Variants in CCDC73 observed in about 807,000 individuals in gnomAD.
CCDC73 encodes the protein coiled-coil domain containing 73, also known as coiled-coil domain-containing protein 73.
Under a neutral mutation model 116.5 loss-of-function variants are expected in CCDC73, and 95 were observed. The observed-to-expected ratio is 0.82, with a 90% CI of 0.69 to 0.97. CCDC73 has a LOEUF of 0.97. Among genes scored for constraint, CCDC73 ranks in the 50% least tolerant of loss-of-function variants. CCDC73 has a pLI of 0.00. For missense variants in CCDC73, 1,066 were observed against 1,206.8 expected (o/e 0.88, Z 1.73); for synonymous variants, 398 against 401.3 (o/e 0.99, Z 0.10).
At chr11:32,681,382 A>C (rs1856141675) in intron 7 of CCDC73, 1 of 152,010 alleles carries the variant, frequency 6.6e-6, no homozygotes, top group African/African-American at 2.4e-5. Flanking sequence ...TTTCTCTCTC[A>C]CATGTTTTTA....
At chr11:32,791,190 T>G (rs1850672971) in intron 1 of CCDC73, among the ~76,000 whole-genome samples, 1 of 152,230 alleles carries the variant, frequency 6.6e-6, no homozygotes, top group African/African-American at 2.4e-5. Flanking sequence ...CTGATGTGTT[T>G]CTCTGTCATG....
At chr11:32,753,473 CT>C (rs1021284715) in intron 2 of CCDC73, among the ~76,000 whole-genome samples, 2 of 149,068 alleles carry the variant, frequency 1.3e-5, no homozygotes, top group Non-Finnish European at 3.0e-5. Context: ...ATTTTGTTTT[CT>C]TTTTTTTTGA....
At chr11:32,719,888 T>C (rs946128384) in intron 2 of CCDC73, among the ~76,000 whole-genome samples, 1 of 152,080 alleles carries the variant, frequency 6.6e-6, no homozygotes, top group African/African-American at 2.4e-5. Context: ...CCTATAACTA[T>C]AAAAGGAGTT....
the CCDC73 span, among the ~76,000 whole-genome samples, chr11:32,812,817 A>G: frequency 6.6e-6 from 1 of 152,330 alleles, no homozygotes; most frequent in South Asian, 2.1e-4. Context: ...AGCCTGGGCA[A>G]CAGAGAGACA....
At position 32,611,910 on chromosome 11, in the gene CCDC73, C is replaced by A. The variant is rs186477874; in HGVS notation, c.2897-645G>T. Among the ~76,000 whole-genome samples the A allele has an allele frequency of 7.9e-3, 1,203 of 151,482 alleles. 9 individuals carry two copies. Among genetic ancestry groups the A allele is most frequent in the Non-Finnish European group, 0.013 (904 of 67,814 alleles). On this transcript the variant is annotated intron_variant, in intron 16 of 17. Coordinates refer to ENST00000335185, the MANE Select transcript of CCDC73 (RefSeq NM_001008391.4). ...GAAATTTAATTACAAGAAAGGACTT[C>A]AAAAAAAATGGTAGATTTTTAGACC...
At chr11:32,808,592 T>G in the CCDC73 span, among the ~76,000 whole-genome samples, 5 of 152,158 alleles carry the variant, frequency 3.3e-5, no homozygotes, top group East Asian at 9.7e-4. Flanking sequence ...TGAGCTGAGA[T>G]TGTGCCACTG....
In CCDC73 at chr11:32,708,337, T is replaced by C. The variant is rs182557803; in HGVS notation, c.208-5393A>G. Among the ~76,000 whole-genome samples the C allele has an allele frequency of 3.6e-3, 551 of 152,364 alleles. 5 individuals are homozygous for C. Among genetic ancestry groups the C allele is most frequent in the African/African-American group, 0.013 (532 of 41,584 alleles). ...TAGAATAGTTTGAAGTCAGGTAATG[T>C]GATGTCTCCAGATTTGTTCTTTTTG... On this transcript the variant is annotated intron_variant, in intron 3 of 17. Coordinates refer to ENST00000335185, the MANE Select transcript of CCDC73 (RefSeq NM_001008391.4).
chr11:32,752,441 A>C (rs1850294777), intron 2 of CCDC73, among the ~76,000 whole-genome samples: 1 of 152,244 alleles, frequency 6.6e-6, no homozygotes, highest in Non-Finnish European at 1.5e-5. Context: ...TTCAGACTTA[A>C]TGATCGTGAA....
At chr11:32,819,825 T>C in the CCDC73 span, among the ~76,000 whole-genome samples, 1 of 152,214 alleles carries the variant, frequency 6.6e-6, no homozygotes, top group Admixed American at 6.5e-5. Context: ...GGGACAATAC[T>C]TGTCATTTAT....
At chr11:32,790,244 A>G (rs889810305) in intron 1 of CCDC73, among the ~76,000 whole-genome samples, 1 of 152,216 alleles carries the variant, frequency 6.6e-6, no homozygotes, top group African/African-American at 2.4e-5. Context: ...CTGTTTAAAC[A>G]TATTTTAAAA....
At chr11:32,729,198 G>A (rs764078185) in intron 2 of CCDC73, among the ~76,000 whole-genome samples, 3 of 152,088 alleles carry the variant, frequency 2.0e-5, no homozygotes, top group Non-Finnish European at 2.9e-5. Context: ...AGGCTCCAGT[G>A]TATGTTGTTC....
intron 15 of CCDC73, among the ~76,000 whole-genome samples, 179 bp from the exon 16 acceptor site, chr11:32,615,121 A>T (rs1331991505): frequency 6.6e-6 from 1 of 152,124 alleles, no homozygotes; most frequent in Non-Finnish European, 1.5e-5. Flanking sequence ...TTATTGTATC[A>T]AATATATCTT....
chr11:32,781,054 G>A (rs1349656919), intron 1 of CCDC73, among the ~76,000 whole-genome samples: 1 of 152,230 alleles, frequency 6.6e-6, no homozygotes, highest in African/African-American at 2.4e-5. Flanking sequence ...AGGATTGCTT[G>A]AGCCCAGAAG....
chr11:32,692,714 C>A (rs780122161), intron 6 of CCDC73, among the ~76,000 whole-genome samples: 13 of 152,130 alleles, frequency 8.5e-5, no homozygotes, highest in Non-Finnish European at 1.2e-4. Context: ...GTAGAGAATG[C>A]AGACACTGTT....
Position 32,614,309 on chromosome 11 carries a change from T to G in CCDC73, c.2009A>C (p.Lys670Thr). The G allele has an allele frequency of 6.2e-7, 1 of 1,612,948 alleles. No homozygotes were observed. Among genetic ancestry groups the G allele is most frequent in the East Asian group, 2.2e-5 (1 of 44,818 alleles). ...CKIKQIQLLTKKSECSILLSK... is the reference protein window; with the variant it reads ...CKIKQIQLLTTKSECSILLSK... ...AAGTAATATGCTGCACTCACTTTTT[T>G]TAGTTAACAGTTGTATTTGTTTTAT... Residue 670 changes from lysine (K) to threonine (T), a missense_variant, in exon 16 of 18, where the codon AAA becomes ACA. Coordinates refer to ENST00000335185, the MANE Select transcript of CCDC73 (RefSeq NM_001008391.4).
At chr11:32,778,804 GAA>G (rs957840162) in intron 1 of CCDC73, among the ~76,000 whole-genome samples, 2 of 146,538 alleles carry the variant, frequency 1.4e-5, no homozygotes, top group East Asian at 4.0e-4. Flanking sequence ...CCTCTCAAAA[GAA>G]AAAAAAAATC....
chr11:32,617,196 A>G (rs893098410), intron 14 of CCDC73, among the ~76,000 whole-genome samples: 1 of 152,142 alleles, frequency 6.6e-6, no homozygotes, highest in Non-Finnish European at 1.5e-5. Flanking sequence ...AGGAGTTTCA[A>G]CTCTACCAGG....
chr11:32,813,475 C>T, the CCDC73 span, among the ~76,000 whole-genome samples: 1 of 152,156 alleles, frequency 6.6e-6, no homozygotes, highest in Non-Finnish European at 1.5e-5. Context: ...CCAAGCTGGT[C>T]TTGAACTCCT....
the CCDC73 span, among the ~76,000 whole-genome samples, chr11:32,815,653 G>A: frequency 6.6e-6 from 1 of 152,132 alleles, no homozygotes; most frequent in Middle Eastern, 3.2e-3. Flanking sequence ...TCCTTTGGTT[G>A]GTATCATCTT....
Sources: gnomAD v4.1 joint callset for allele counts (sites outside exome capture counted in the v4.1 genomes callset) on GRCh38, gnomAD v4.1.1 for gene constraint, MANE v1.5 for transcripts, NCBI Gene and HGNC (gene_info 2026-07-23, HGNC 2026-07-21) for gene names.